LRP1B: variants seen among roughly 807,000 people sequenced by gnomAD.
LRP1B encodes the protein LDL receptor related protein 1B.
In LRP1B, 217 loss-of-function variants were observed where a neutral mutation model predicts 556.6. The ratio of observed to expected loss-of-function variants is 0.39; its 90% CI spans 0.35 to 0.44. LRP1B has a LOEUF of 0.44. LRP1B is among the 20% of genes least tolerant of loss of function. The pLI is 1.00. For missense variants in LRP1B, 5,053 were observed against 5,620.8 expected (o/e 0.90, Z 3.23); for synonymous variants, 2,047 against 1,865.8 (o/e 1.10, Z -2.50).
At chr2:141,321,555 A>G (rs1687244269) in intron 3 of LRP1B, among the ~76,000 whole-genome samples, 2 of 152,108 alleles carry the variant, frequency 1.3e-5, no homozygotes, top group South Asian at 4.1e-4. Flanking sequence ...CTGAGTCAAC[A>G]TCTAGGGCCT....
rs1306583191 is a variant in LRP1B at position 141,470,939 on chromosome 2, A to G, written c.343+9457T>C. ...TATGGTTGCTTAAAATAGTAAACATACCTTCCAAATTTCTAAATGTTATTT... is the reference window on the plus strand; with the variant it reads ...TATGGTTGCTTAAAATAGTAAACATGCCTTCCAAATTTCTAAATGTTATTT... On this transcript the variant is annotated intron_variant, in intron 3 of 90. Coordinates refer to ENST00000389484, the MANE Select transcript of LRP1B (RefSeq NM_018557.3). Among the ~76,000 whole-genome samples, 7 of 152,332 alleles carry G rather than the reference A, an allele frequency of 4.6e-5. No homozygotes were observed. The East Asian group carries it at 7.7e-4, about 17-fold the overall frequency.
At chr2:140,430,814 T>C (rs1298074337) in intron 66 of LRP1B, among the ~76,000 whole-genome samples, 3 of 152,310 alleles carry the variant, frequency 2.0e-5, no homozygotes, top group South Asian at 4.1e-4. Flanking sequence ...CAATCAATTC[T>C]CAATATTCCA....
chr2:141,973,194 C>T (rs995704733), intron 1 of LRP1B, among the ~76,000 whole-genome samples: 1 of 151,444 alleles, frequency 6.6e-6, no homozygotes, highest in African/African-American at 2.4e-5. Flanking sequence ...TATTTAGTAT[C>T]CTTTTCCTTT....
At chr2:141,185,683 C>CAAAAAAAAAAAAAAAAAAAAAAAAAA (rs148935362) in intron 7 of LRP1B, among the ~76,000 whole-genome samples, 2 of 74,338 alleles carry the variant, frequency 2.7e-5, no homozygotes, top group African/African-American at 4.8e-5. Flanking sequence ...GAAAAACAAA[C>CAAAAAAAAAAAAAAAAAAAAAAAAAA]AAACAAAAAA....
In LRP1B at chr2:140,321,287, AT is replaced by A. The variant is rs555770894; in HGVS notation, c.12640+675del. 1.1e-3 allele frequency among the ~76,000 whole-genome samples: 171 copies of A among 151,668 alleles called. 1 individual carries two copies. The highest frequency in any genetic ancestry group is 4.1e-3 in the African/African-American group (169 of 41,378). On this transcript the variant is annotated intron_variant, in intron 82 of 90. Transcript: ENST00000389484. Reference sequence around the variant, plus strand: ...ATTTAGCATCTGAAGTAATGTTTCAATTTTTATTGATTATTCCAGCTTCTAG... The same window carrying A: ...ATTTAGCATCTGAAGTAATGTTTCAATTTTATTGATTATTCCAGCTTCTAG...
intron 4 of LRP1B, among the ~76,000 whole-genome samples, chr2:141,252,026 C>T (rs1365790501): frequency 6.6e-6 from 1 of 151,914 alleles, no homozygotes; most frequent in African/African-American, 2.4e-5. Flanking sequence ...AACACAAAAA[C>T]AAAAACAAAT....
intron 41 of LRP1B, among the ~76,000 whole-genome samples, chr2:140,611,726 C>G (rs12477132): frequency 0.23 from 34,762 of 151,908 alleles, 4,255 homozygotes; most frequent in Admixed American, 0.3. Flanking sequence ...CTTATTTACT[C>G]TCTCATATTT....
At chr2:140,569,930 T>A (rs567465103) in intron 43 of LRP1B, among the ~76,000 whole-genome samples, 1 of 152,018 alleles carries the variant, frequency 6.6e-6, no homozygotes, top group South Asian at 2.1e-4. Flanking sequence ...TGCTCCTGAA[T>A]GACCATTGGG....
At chr2:141,455,090 T>G (rs1681579537) in intron 3 of LRP1B, among the ~76,000 whole-genome samples, 1 of 152,270 alleles carries the variant, frequency 6.6e-6, no homozygotes, top group African/African-American at 2.4e-5. Context: ...CAAGAACTTT[T>G]GCAAACATGA....
intron 66 of LRP1B, among the ~76,000 whole-genome samples, chr2:140,424,170 G>C (rs900736392): frequency 6.6e-6 from 1 of 152,070 alleles, no homozygotes; most frequent in African/African-American, 2.4e-5. Context: ...TGAGTGGGGA[G>C]GGCTTCCTTA....
At chr2:141,613,212 T>C (rs961808991) in intron 2 of LRP1B, among the ~76,000 whole-genome samples, 2 of 152,144 alleles carry the variant, frequency 1.3e-5, no homozygotes, top group African/African-American at 4.8e-5. Context: ...GCCTACCTGC[T>C]TATTCTCCTT....
intron 57 of LRP1B, among the ~76,000 whole-genome samples, chr2:140,490,272 C>T (rs1184294274): frequency 6.6e-6 from 1 of 152,080 alleles, no homozygotes; most frequent in African/African-American, 2.4e-5. Context: ...TGGAAAGGTA[C>T]TTGATTAATT....
intron 2 of LRP1B, among the ~76,000 whole-genome samples, chr2:141,755,135 A>G (rs1285661083): frequency 2.6e-5 from 4 of 152,110 alleles, no homozygotes; most frequent in Non-Finnish European, 5.9e-5. Context: ...CTTTTAGAGG[A>G]AAGCAACCAT....
intron 43 of LRP1B, among the ~76,000 whole-genome samples, chr2:140,547,352 G>A (rs187671705): frequency 2.6e-4 from 39 of 152,150 alleles, no homozygotes; most frequent in Middle Eastern, 3.4e-3. Context: ...TCTGCTCAGG[G>A]ATTCAATTTT....
chr2:141,116,868 T>C (rs1315102047), intron 7 of LRP1B, among the ~76,000 whole-genome samples: 4 of 152,108 alleles, frequency 2.6e-5, no homozygotes, highest in East Asian at 1.9e-4. Flanking sequence ...TGATTGTATA[T>C]TGGATTTTCC....
intron 31 of LRP1B, among the ~76,000 whole-genome samples, chr2:140,837,499 TA>T (rs1261305165): frequency 2.6e-5 from 4 of 152,124 alleles, no homozygotes; most frequent in African/African-American, 9.7e-5. Context: ...TTAAAACTTT[TA>T]AAAAGTGTCA....
At chr2:140,540,880 G>A (rs2105015855) in intron 45 of LRP1B, 93 bp downstream of exon 45, 1 of 1,356,008 alleles carries the variant, frequency 7.4e-7, no homozygotes, top group Non-Finnish European at 1.0e-6. Flanking sequence ...TTAGAAGAGA[G>A]TATAACTTCA....
chr2:140,965,209 C>A (rs182597791), intron 18 of LRP1B, among the ~76,000 whole-genome samples: 1 of 152,184 alleles, frequency 6.6e-6, no homozygotes, highest in Admixed American at 6.5e-5. Flanking sequence ...GAATTCTAAC[C>A]CCCAGGACCT....
intron 7 of LRP1B, among the ~76,000 whole-genome samples, chr2:141,171,544 G>A (rs1213423278): frequency 6.7e-6 from 1 of 149,408 alleles, no homozygotes; most frequent in Non-Finnish European, 1.5e-5. Context: ...TTTGCATATT[G>A]TCAAGTGCCA....
Sources: gnomAD v4.1 joint callset for allele counts (sites outside exome capture counted in the v4.1 genomes callset) on GRCh38, gnomAD v4.1.1 for gene constraint, MANE v1.5 for transcripts, NCBI Gene and HGNC (gene_info 2026-07-23, HGNC 2026-07-21) for gene names.